The following NEURL1B variants were observed in gnomAD, a reference collection of about 807,000 sequenced individuals.
NEURL1B encodes the protein neuralized E3 ubiquitin protein ligase 1B, also known as E3 ubiquitin-protein ligase NEURL1B.
In NEURL1B, 13 loss-of-function variants were observed where a neutral mutation model predicts 37.4. The observed-to-expected ratio is 0.35, with a 90% confidence interval of 0.23 to 0.55. The LOEUF (loss-of-function observed/expected upper bound fraction) is 0.55. NEURL1B is among the 20% of genes least tolerant of loss of function. NEURL1B has a pLI of 0.89. For synonymous variants in NEURL1B, 432 were observed against 426.6 expected (o/e 1.01, Z -0.16); for missense variants, 790 against 879.2 (o/e 0.90, Z 1.28).
chr5:172,648,554 C>G (rs1054356982), intron 1 of NEURL1B, among the ~76,000 whole-genome samples: 3 of 152,206 alleles, frequency 2.0e-5, no homozygotes, highest in Non-Finnish European at 2.9e-5. Context: ...GTAACTTTCC[C>G]AGGGAACACA....
In NEURL1B at chr5:172,675,449, A is replaced by G. The variant is rs61337529; in HGVS notation, c.577+5119A>G. Reference sequence around the variant, plus strand: ...ATGCTTGTTTAATGGTCTCTGGGGTACAGATCAGGAGGGGCTTGCGGGTCC... The same window carrying G: ...ATGCTTGTTTAATGGTCTCTGGGGTGCAGATCAGGAGGGGCTTGCGGGTCC... On this transcript the variant is annotated intron_variant, in intron 2 of 4. Transcript: ENST00000369800. The surrounding 1 kb of genome is among the most constrained non-coding windows in gnomAD (Gnocchi z 4.7). Among the ~76,000 whole-genome samples the G allele has an allele frequency of 0.071, 10,850 of 152,172 alleles. 456 individuals carry two copies. Among genetic ancestry groups the G allele is most frequent in the South Asian group, 0.14 (695 of 4,816 alleles).
chr5:172,671,564 A>G (rs750946876), intron 2 of NEURL1B, among the ~76,000 whole-genome samples: 1 of 152,182 alleles, frequency 6.6e-6, no homozygotes, highest in Non-Finnish European at 1.5e-5. Flanking sequence ...GTATTTATCC[A>G]TTGGTATCTG....
In NEURL1B at chr5:172,669,970, C is replaced by A; in HGVS notation, c.217C>A (p.Gln73Lys). The change falls in exon 2 of 5, where the codon CAG becomes AAG. Residue 73 changes from glutamine to lysine, a missense_variant. Coordinates refer to ENST00000369800, the MANE Select transcript of NEURL1B (RefSeq NM_001142651.3). ...NSFCNGVTFT[Q>K]RPIRLYEQVR... Reference sequence around the variant, plus strand: ...CTTCTGCAATGGCGTCACGTTCACGCAGCGGCCCATCCGGCTGTACGAGCA... The same window carrying A: ...CTTCTGCAATGGCGTCACGTTCACGAAGCGGCCCATCCGGCTGTACGAGCA... The A allele has an allele frequency of 6.8e-7, 1 of 1,459,910 alleles. No homozygotes were observed. The allele number at this position is 1,459,910 out of a possible 1,614,324, so 90.4% of individuals were successfully genotyped here.
At chr5:172,656,171 C>T (rs907552265) in intron 1 of NEURL1B, among the ~76,000 whole-genome samples, 2 of 151,886 alleles carry the variant, frequency 1.3e-5, no homozygotes, top group Non-Finnish European at 2.9e-5. Context: ...AGTGCTTTGG[C>T]GGGAGTCAGG....
intron 1 of NEURL1B, among the ~76,000 whole-genome samples, chr5:172,652,957 A>G (rs1303419449): frequency 6.6e-6 from 1 of 152,010 alleles, no homozygotes; most frequent in East Asian, 1.9e-4. Flanking sequence ...CTCAGATGTG[A>G]TGAGTCCATC....
rs1019837037 is a variant in NEURL1B, at chr5:172,691,314, C to T, written c.*4389C>T. ...TGTGTACAGACCTTTTAAAACATGT[C>T]TTCTTTTTCTGATTCAATACTGTGA... On this transcript the variant is annotated 3_prime_UTR_variant, in exon 5 of 5. Transcript: ENST00000369800. 2 of 152,110 alleles carry T rather than the reference C, an allele frequency of 1.3e-5. No homozygotes were observed. The highest frequency in any genetic ancestry group is 4.8e-5 in the African/African-American group (2 of 41,408). The allele number at this position is 152,110 out of a possible 1,614,324, so 9.4% of individuals were successfully genotyped here.
intron 2 of NEURL1B, among the ~76,000 whole-genome samples, chr5:172,679,631 AAGTG>A (rs531942812): frequency 1.3e-5 from 2 of 152,230 alleles, no homozygotes; most frequent in Non-Finnish European, 2.9e-5. Context: ...CACAAAGAAT[AAGTG>A]AGGCCATGCA....
intron 1 of NEURL1B, among the ~76,000 whole-genome samples, chr5:172,666,743 G>A (rs541767524): frequency 3.9e-5 from 6 of 152,314 alleles, no homozygotes; most frequent in Admixed American, 2.0e-4. Context: ...CAACGCTGAG[G>A]GAGGTGGTGC....
chr5:172,653,041 T>C (rs1581421667), intron 1 of NEURL1B, among the ~76,000 whole-genome samples: 1 of 152,070 alleles, frequency 6.6e-6, no homozygotes, highest in African/African-American at 2.4e-5. Flanking sequence ...CTGGCTTGAG[T>C]TTTCCTTCTT....
At position 172,689,573 on chromosome 5, in the gene NEURL1B, G is replaced by A. The variant is rs1064174; in HGVS notation, c.*2648G>A. The A allele has an allele frequency of 0.59, 89,918 of 152,060 alleles. 26,629 individuals carry two copies. The highest frequency in any genetic ancestry group is 0.65 in the South Asian group (3,138 of 4,820). 9.4% of individuals were successfully genotyped at this position (152,060 alleles called of 1,614,324 possible). A position where few individuals can be genotyped will look rare whatever the true frequency, so the allele number is the denominator to read the frequency against. Reference sequence around the variant, plus strand: ...CTACTTACAATCTATGAAAGCTGGTGTTATCCCACTTGGCAGGTAAGGAAA... The same window carrying A: ...CTACTTACAATCTATGAAAGCTGGTATTATCCCACTTGGCAGGTAAGGAAA... On this transcript the variant is annotated 3_prime_UTR_variant, in exon 5 of 5. Transcript: ENST00000369800.
In NEURL1B at chr5:172,660,850, C is replaced by T. The variant is rs911872505; in HGVS notation, c.32-8935C>T. ...AGGCAGGGTTTCACCATGTTGGTCT[C>T]GAACTCCTGACCTCAGGTGATCTGT... On this transcript the variant is annotated intron_variant, in intron 1 of 4. Transcript: ENST00000369800. 2.0e-5 allele frequency among the ~76,000 whole-genome samples: 3 copies of T among 152,214 alleles called. No homozygotes were observed. The South Asian group carries it at 6.2e-4, about 32-fold the overall frequency.
At chr5:172,653,627 T>G (rs972154702) in intron 1 of NEURL1B, among the ~76,000 whole-genome samples, 4 of 152,246 alleles carry the variant, frequency 2.6e-5, no homozygotes, top group Non-Finnish European at 5.9e-5. Context: ...TTTAACGTTT[T>G]AAAACTTGCT....
Position 172,686,082 on chromosome 5 carries a change from A to G in NEURL1B, c.1298-89A>G. On this transcript the variant is annotated intron_variant, in intron 3 of 4. Coordinates refer to ENST00000369800, the MANE Select transcript of NEURL1B (RefSeq NM_001142651.3). This position sits in a 1 kb window ranked among gnomAD's most constrained non-coding sequence, Gnocchi z 7.9. ...CCTCTGGTCCTCTCGTTAGACGGGAAAGCTAAGGTGCAAAGCAGTGAAGAA... is the reference window on the plus strand; with the variant it reads ...CCTCTGGTCCTCTCGTTAGACGGGAGAGCTAAGGTGCAAAGCAGTGAAGAA... 1 of 1,472,214 alleles carries G rather than the reference A, an allele frequency of 6.8e-7. No individual in the cohort carries two copies. The highest frequency in any genetic ancestry group is 9.1e-7 in the Non-Finnish European group (1 of 1,094,596). 91.2% of individuals were successfully genotyped at this position (1,472,214 alleles called of 1,614,324 possible). A position where few individuals can be genotyped will look rare whatever the true frequency, so the allele number is the denominator to read the frequency against.
At position 172,641,367 on chromosome 5, in the gene NEURL1B, C is replaced by T; in HGVS notation, c.-40C>T. On this transcript the variant is annotated 5_prime_UTR_variant, in exon 1 of 5. Transcript: ENST00000369800. The surrounding 1 kb of genome is among the most constrained non-coding windows in gnomAD (Gnocchi z 6.4). ...CCGCCGCGTAATTAGCCTCCGCGCGCCCAGAGCGCGCCGCCGCCAACGCCG... is the reference window on the plus strand; with the variant it reads ...CCGCCGCGTAATTAGCCTCCGCGCGTCCAGAGCGCGCCGCCGCCAACGCCG... The T allele has an allele frequency of 7.2e-7, 1 of 1,383,544 alleles. No individual in the cohort carries two copies. The highest frequency in any genetic ancestry group is 1.5e-5 in the African/African-American group (1 of 66,468). The allele number at this position is 1,383,544 out of a possible 1,614,324, so 85.7% of individuals were successfully genotyped here.
intron 1 of NEURL1B, 136 bp from the exon 2 acceptor site, chr5:172,669,649 G>A (rs1758079820): frequency 3.0e-6 from 2 of 672,434 alleles, no homozygotes; most frequent in South Asian, 7.0e-5. Flanking sequence ...GGTCAAGCCT[G>A]GAACCTTCTT....
intron 1 of NEURL1B, among the ~76,000 whole-genome samples, chr5:172,642,887 G>A (rs1757491844): frequency 6.6e-6 from 1 of 152,222 alleles, no homozygotes; most frequent in South Asian, 2.1e-4. Flanking sequence ...GATATCTGGG[G>A]ATGTTGGCAA....
rs1758232598 is a variant in NEURL1B at position 172,676,341 on chromosome 5, G to A, written c.577+6011G>A. On this transcript the variant is annotated intron_variant, in intron 2 of 4. Coordinates refer to ENST00000369800, the MANE Select transcript of NEURL1B (RefSeq NM_001142651.3). This position sits in a 1 kb window ranked among gnomAD's most constrained non-coding sequence, Gnocchi z 4.5. ...TCAGCTGGACTGTCCCTTTGGGGTG[G>A]AGGAAAGGCCACCAGCATTTCCAGT... is the stretch of plus-strand genomic sequence containing the variant. Among the ~76,000 whole-genome samples the A allele has an allele frequency of 6.6e-6, 1 of 152,160 alleles. No homozygotes were observed. The highest frequency in any genetic ancestry group is 1.5e-5 in the Non-Finnish European group (1 of 68,032).
rs1758397994 is a variant in NEURL1B, at chr5:172,683,236, C to T, written c.578-183C>T. Reference sequence around the variant, plus strand: ...GGATGGTGCTTAATGCAATTCTGTGCTCCTGTGACTCACTAAATAACACAG... The same window carrying T: ...GGATGGTGCTTAATGCAATTCTGTGTTCCTGTGACTCACTAAATAACACAG... On this transcript the variant is annotated intron_variant, in intron 2 of 4. Transcript: ENST00000369800. This position sits in a 1 kb window ranked among gnomAD's most constrained non-coding sequence, Gnocchi z 5.6. Among the ~76,000 whole-genome samples the T allele has an allele frequency of 6.6e-6, 1 of 152,168 alleles. No individual in the cohort carries two copies. The highest frequency in any genetic ancestry group is 1.5e-5 in the Non-Finnish European group (1 of 68,040).
At chr5:172,655,447 G>A (rs1442226195) in intron 1 of NEURL1B, among the ~76,000 whole-genome samples, 1 of 152,084 alleles carries the variant, frequency 6.6e-6, no homozygotes, top group African/African-American at 2.4e-5. Flanking sequence ...GTGTTGGTGT[G>A]CTGGTATAAA....
Sources: allele counts gnomAD v4.1 joint callset (sites outside exome capture counted in the v4.1 genomes callset), GRCh38; gene constraint gnomAD v4.1.1; non-coding constraint Gnocchi (gnomAD v3.1); transcripts MANE v1.5; gene names NCBI Gene and HGNC (gene_info 2026-07-23, HGNC 2026-07-21).